The following GRIN3A variants were observed in gnomAD, a reference collection of about 807,000 sequenced individuals.
The protein encoded by GRIN3A is glutamate ionotropic receptor NMDA type subunit 3A.
In GRIN3A, 47 loss-of-function variants were observed where a neutral mutation model predicts 92.4. The observed-to-expected ratio is 0.51, with a 90% CI of 0.40 to 0.65. The LOEUF is 0.65. Among genes scored for constraint, GRIN3A ranks in the 30% least tolerant of loss-of-function variants. The pLI, the probability that GRIN3A is intolerant of heterozygous loss-of-function variation, is 0.00. For synonymous variants in GRIN3A, 527 were observed against 540.6 expected (o/e 0.97, Z 0.35); for missense variants, 1,324 against 1,393.1 (o/e 0.95, Z 0.79).
intron 3 of GRIN3A, among the ~76,000 whole-genome samples, chr9:101,655,941 C>A (rs1468865836): frequency 6.6e-6 from 1 of 151,820 alleles, no homozygotes; most frequent in East Asian, 1.9e-4. Context: ...GATGAGAGGC[C>A]TGTGTAAAAG....
At chr9:101,721,370 C>T (rs1268840986) in intron 1 of GRIN3A, among the ~76,000 whole-genome samples, 3 of 152,164 alleles carry the variant, frequency 2.0e-5, no homozygotes, top group Non-Finnish European at 1.5e-5. Flanking sequence ...AATTAAAACT[C>T]TTTTTCTTCC....
chr9:101,617,504 A>C (rs184567939), intron 5 of GRIN3A, among the ~76,000 whole-genome samples: 1 of 152,052 alleles, frequency 6.6e-6, no homozygotes, highest in Non-Finnish European at 1.5e-5. Context: ...ATATTAAATC[A>C]CTCCACTCGA....
At chr9:101,646,907 T>C (rs1244461857) in intron 3 of GRIN3A, among the ~76,000 whole-genome samples, 2 of 148,546 alleles carry the variant, frequency 1.3e-5, no homozygotes, top group African/African-American at 5.1e-5. Flanking sequence ...GTAGAGTCTT[T>C]AGGGCTTTCT....
chr9:101,669,181 C>G (rs968844709), intron 3 of GRIN3A, among the ~76,000 whole-genome samples: 4 of 152,126 alleles, frequency 2.6e-5, no homozygotes, highest in African/African-American at 9.7e-5. Context: ...CTCCCCTGAG[C>G]TCTGTTCTAA....
chr9:101,736,695 A>C (rs558925818), intron 1 of GRIN3A, among the ~76,000 whole-genome samples: 6 of 152,264 alleles, frequency 3.9e-5, no homozygotes, highest in African/African-American at 1.4e-4. Context: ...ACTCTTCTCT[A>C]CCTATGGCTT....
At chr9:101,664,537 C>T (rs917029410) in intron 3 of GRIN3A, among the ~76,000 whole-genome samples, 11 of 151,824 alleles carry the variant, frequency 7.2e-5, no homozygotes, top group Admixed American at 6.6e-5. Flanking sequence ...ACCTCATTTG[C>T]ACAGCAGGCC....
chr9:101,606,520 A>T (rs1210418043), intron 6 of GRIN3A, among the ~76,000 whole-genome samples: 1 of 151,998 alleles, frequency 6.6e-6, no homozygotes, highest in Non-Finnish European at 1.5e-5. Flanking sequence ...TTGAACCTAG[A>T]TGTGGTAATG....
At chr9:101,727,951 GA>G (rs1830098635) in intron 1 of GRIN3A, among the ~76,000 whole-genome samples, 1 of 151,410 alleles carries the variant, frequency 6.6e-6, no homozygotes, top group East Asian at 1.9e-4. Context: ...CACAATGTGT[GA>G]AAAGACTCAA....
At chr9:101,598,027 A>G (rs1382276236) in intron 6 of GRIN3A, among the ~76,000 whole-genome samples, 2 of 152,222 alleles carry the variant, frequency 1.3e-5, no homozygotes, top group Non-Finnish European at 2.9e-5. Context: ...TGAGATCAGT[A>G]TGTGGGGATA....
At chr9:101,722,094 C>G (rs1043676721) in intron 1 of GRIN3A, among the ~76,000 whole-genome samples, 1 of 152,208 alleles carries the variant, frequency 6.6e-6, no homozygotes, top group Non-Finnish European at 1.5e-5. Flanking sequence ...GCCAGGGTCT[C>G]TGTGCTGTGT....
intron 6 of GRIN3A, among the ~76,000 whole-genome samples, chr9:101,587,171 A>G (rs1348318271): frequency 6.6e-6 from 1 of 152,068 alleles, no homozygotes; most frequent in African/African-American, 2.4e-5. Context: ...TTAGTCAGGC[A>G]TGGTGGCAGG....
intron 3 of GRIN3A, among the ~76,000 whole-genome samples, chr9:101,656,859 C>T (rs1829095524): frequency 6.6e-6 from 1 of 151,864 alleles, no homozygotes; most frequent in Non-Finnish European, 1.5e-5. Flanking sequence ...TAGAGAGCGA[C>T]AGGGATTTGA....
chr9:101,645,773 T>C (rs1225364674), intron 3 of GRIN3A, among the ~76,000 whole-genome samples: 1 of 150,004 alleles, frequency 6.7e-6, no homozygotes, highest in Non-Finnish European at 1.5e-5. Flanking sequence ...TTTAACTGGG[T>C]GAAACGATAC....
intron 2 of GRIN3A, among the ~76,000 whole-genome samples, chr9:101,683,036 A>G (rs1472927509): frequency 6.6e-6 from 1 of 152,232 alleles, no homozygotes; most frequent in African/African-American, 2.4e-5. Flanking sequence ...AAGATTGTTG[A>G]AGATCATGCT....
At chr9:101,605,496 C>T (rs748286125) in intron 6 of GRIN3A, among the ~76,000 whole-genome samples, 31 of 152,164 alleles carry the variant, frequency 2.0e-4, no homozygotes, top group Non-Finnish European at 4.1e-4. Context: ...TTTAAACTTC[C>T]ATTTTTGAAA....
intron 3 of GRIN3A, among the ~76,000 whole-genome samples, chr9:101,669,504 T>C (rs968499809): frequency 1.3e-5 from 2 of 152,052 alleles, no homozygotes; most frequent in African/African-American, 4.8e-5. Flanking sequence ...TTTATAGGCC[T>C]TAGCTAATTC....
intron 2 of GRIN3A, among the ~76,000 whole-genome samples, chr9:101,671,718 G>C (rs183069367): frequency 2.0e-3 from 303 of 152,280 alleles, no homozygotes; most frequent in African/African-American, 6.6e-3. Flanking sequence ...AGTTGAAGCT[G>C]CATGTTGGAT....
intron 5 of GRIN3A, among the ~76,000 whole-genome samples, chr9:101,619,154 G>A (rs1264771969): frequency 6.6e-6 from 1 of 152,198 alleles, no homozygotes; most frequent in Non-Finnish European, 1.5e-5. Flanking sequence ...CCGAAATGTG[G>A]TTGGAAAAGA....
chr9:101,728,321 A>C (rs1020592199), intron 1 of GRIN3A, among the ~76,000 whole-genome samples: 4 of 152,242 alleles, frequency 2.6e-5, no homozygotes, highest in East Asian at 3.9e-4. Context: ...TACTGCCCCA[A>C]ATGTTCAGTA....
Sources: gnomAD v4.1 joint callset for allele counts (sites outside exome capture counted in the v4.1 genomes callset) on GRCh38, gnomAD v4.1.1 for gene constraint, MANE v1.5 for transcripts, NCBI Gene and HGNC (gene_info 2026-07-23, HGNC 2026-07-21) for gene names.